Variants in PIP5K1C observed in about 807,000 individuals in gnomAD.
The protein encoded by PIP5K1C is phosphatidylinositol-4-phosphate 5-kinase type 1 gamma.
Under a neutral mutation model 80.1 loss-of-function variants are expected in PIP5K1C, and 45 were observed. The ratio of observed to expected loss-of-function variants is 0.56; its 90% CI spans 0.44 to 0.72. The LOEUF is 0.72. PIP5K1C is among the 30% of genes least tolerant of loss of function. The probability of loss-of-function intolerance (pLI) is 0.00; values close to 1 mark genes in which losing one functional copy is unlikely to be tolerated. For missense variants in PIP5K1C, 753 were observed against 954.6 expected, an observed-to-expected ratio of 0.79 and a Z score of 2.78; for synonymous variants, 498 against 420.1, an observed-to-expected ratio of 1.19 and a Z score of -2.27.
At position 3,692,008 on chromosome 19, in the gene PIP5K1C, C is replaced by T. The variant is rs1487291771; in HGVS notation, c.94+8289G>A. On this transcript the variant is annotated intron_variant, in intron 1 of 17. Coordinates refer to ENST00000335312, the MANE Select transcript of PIP5K1C (RefSeq NM_012398.3). The surrounding 1 kb of genome is among the most constrained non-coding windows in gnomAD (Gnocchi z 5.2). ...CCCAGCAGCCCCGCCCATGTCAGCG[C>T]ATGCACCGTGGCCAGTCCAAGCACC... Among the ~76,000 whole-genome samples, 1 of 152,204 alleles carries T rather than the reference C, an allele frequency of 6.6e-6. No individual in the cohort carries two copies. Among genetic ancestry groups the T allele is most frequent in the Non-Finnish European group, 1.5e-5 (1 of 68,024 alleles).
chr19:3,639,016 C>A lies in PIP5K1C; in HGVS notation c.1788G>T (p.Gly596=). The A allele has an allele frequency of 6.2e-7, 1 of 1,610,424 alleles. No individual in the cohort carries two copies. Among genetic ancestry groups the A allele is most frequent in the Non-Finnish European group, 8.5e-7 (1 of 1,179,914 alleles). Reference sequence around the variant, plus strand: ...AGGCACCGGCCGGGGAAGCCTCCACCCTGGGGACAGGAGTAGACAGAGGGT... The same window carrying A: ...AGGCACCGGCCGGGGAAGCCTCCACACTGGGGACAGGAGTAGACAGAGGGT... ...EIVVPKEEDA[G]VEASPAGASA... is the part of the protein sequence containing the mutation. Residue 596 remains glycine (G), a splice_region_variant and synonymous_variant, in exon 16 of 18, where the codon GGG becomes GGT. Coordinates refer to ENST00000335312, the MANE Select transcript of PIP5K1C (RefSeq NM_012398.3).
At chr19:3,697,442 G>GGAGGAGGACCGAGCTGGACC (rs1568367021) in intron 1 of PIP5K1C, among the ~76,000 whole-genome samples, 25 of 145,548 alleles carry the variant, frequency 1.7e-4, no homozygotes, top group African/African-American at 3.3e-4. Context: ...CGAGCTGTAC[G>GGAGGAGGACCGAGCTGGACC]GAGGAGGACC....
chr19:3,679,941 C>T (rs1568352041), intron 1 of PIP5K1C, among the ~76,000 whole-genome samples: 1 of 152,238 alleles, frequency 6.6e-6, no homozygotes, highest in Non-Finnish European at 1.5e-5. Flanking sequence ...GAGGCAGATG[C>T]TGTGGGAGAC....
intron 1 of PIP5K1C, among the ~76,000 whole-genome samples, chr19:3,682,915 C>A (rs1358631802): frequency 6.6e-6 from 1 of 151,540 alleles, no homozygotes; most frequent in Non-Finnish European, 1.5e-5. Flanking sequence ...GGACAGAGGC[C>A]CAGATGGAGA....
Position 3,688,804 on chromosome 19 carries a change from G to A in PIP5K1C, c.94+11493C>T, listed in dbSNP as rs2035854351. 1.3e-5 allele frequency among the ~76,000 whole-genome samples: 2 copies of A among 152,034 alleles called. No individual in the cohort carries two copies. Among genetic ancestry groups the A allele is most frequent in the South Asian group, 4.1e-4 (2 of 4,826 alleles). On this transcript the variant is annotated intron_variant, in intron 1 of 17. Coordinates refer to ENST00000335312, the MANE Select transcript of PIP5K1C (RefSeq NM_012398.3). This position sits in a 1 kb window ranked among gnomAD's most constrained non-coding sequence, Gnocchi z 5.3. The stretch of plus-strand genomic sequence containing the variant: ...ACACCGAGCTGGTGGGCCGGGGGAG[G>A]GGGACCCACACCCACGTCGCCATGG...
Position 3,643,284 on chromosome 19 carries a change from A to G in PIP5K1C, c.1608T>C (p.Pro536=), listed in dbSNP as rs759768552. The part of the protein sequence containing the change: ...TTLSSTSLSI[P]ERSPSETSEQ... Reference sequence around the variant, plus strand: ...CCGACGTCTCCGAGGGGGACCGCTCAGGAATGGAGAGGGATGTGGATGACA... The same window carrying G: ...CCGACGTCTCCGAGGGGGACCGCTCGGGAATGGAGAGGGATGTGGATGACA... Residue 536 remains proline (P), a synonymous_variant, in exon 13 of 18, where the codon CCT becomes CCC. Coordinates refer to ENST00000335312, the MANE Select transcript of PIP5K1C (RefSeq NM_012398.3). 6.2e-7 allele frequency: 1 copy of G among 1,613,908 alleles called. No homozygotes were observed. Among genetic ancestry groups the G allele is most frequent in the Admixed American group, 1.7e-5 (1 of 60,020 alleles).
At chr19:3,689,616 T>G (rs192165854) in intron 1 of PIP5K1C, among the ~76,000 whole-genome samples, 198 of 152,114 alleles carry the variant, frequency 1.3e-3, no homozygotes, top group Non-Finnish European at 2.6e-3. Context: ...GCCACTGCAC[T>G]CCAGCCTGGA....
At chr19:3,643,411 G>A (rs372407268) in intron 12 of PIP5K1C, 30 bp from the exon 13 acceptor site, 148 of 1,611,650 alleles carry the variant, frequency 9.2e-5, no homozygotes, top group Middle Eastern at 3.4e-4. Context: ...GGCACCTTGC[G>A]GAGCCTCCGA....
At chr19:3,694,814 C>A (rs996650197) in intron 1 of PIP5K1C, among the ~76,000 whole-genome samples, 2 of 152,236 alleles carry the variant, frequency 1.3e-5, no homozygotes, top group Non-Finnish European at 2.9e-5. Flanking sequence ...TCAGCTGCCG[C>A]AGGCCTGGCC....
chr19:3,698,210 A>G (rs2036185979), intron 1 of PIP5K1C, among the ~76,000 whole-genome samples: 1 of 152,222 alleles, frequency 6.6e-6, no homozygotes, highest in South Asian at 2.1e-4. Context: ...GAGAGGCCGG[A>G]AAGGGGTGGC....
chr19:3,648,558 G>A lies in PIP5K1C; in HGVS notation c.1211+67C>T, dbSNP rs547104044. 120 of 1,102,064 alleles carry A rather than the reference G, an allele frequency of 1.1e-4. No homozygotes were observed. Among genetic ancestry groups the A allele is most frequent in the Non-Finnish European group, 1.3e-4 (102 of 774,044 alleles). The allele number at this position is 1,102,064 out of a possible 1,614,324, so 68.3% of individuals were successfully genotyped here. A position where few individuals can be genotyped will look rare whatever the true frequency, so the allele number is the denominator to read the frequency against. The stretch of plus-strand genomic sequence containing the variant: ...CGCCCACCTGTGGGGCTGCAGACCC[G>A]GGCGCCCACCTGTGGGACTGCAGAC... On this transcript the variant is annotated intron_variant, in intron 9 of 17. Coordinates refer to ENST00000335312, the MANE Select transcript of PIP5K1C (RefSeq NM_012398.3). This position sits in a 1 kb window ranked among gnomAD's most constrained non-coding sequence, Gnocchi z 4.3.
At chr19:3,654,147 G>T (rs1426443853) in intron 6 of PIP5K1C, among the ~76,000 whole-genome samples, 3 of 152,180 alleles carry the variant, frequency 2.0e-5, no homozygotes, top group Non-Finnish European at 4.4e-5. Flanking sequence ...GACTCCAGGC[G>T]TGAGCCCAGC....
At chr19:3,645,329 A>T (rs1599945519) in intron 11 of PIP5K1C, among the ~76,000 whole-genome samples, 1 of 152,256 alleles carries the variant, frequency 6.6e-6, no homozygotes, top group East Asian at 1.9e-4. Context: ...CCCAGGGGGG[A>T]ATCCATCTGG....
chr19:3,677,942 TGGAG>T (rs1167991286), intron 1 of PIP5K1C, among the ~76,000 whole-genome samples: 1 of 48,274 alleles, frequency 2.1e-5, no homozygotes, highest in African/African-American at 9.0e-5. Context: ...AATGGAGGGA[TGGAG>T]GGAGGGATGG....
At chr19:3,670,209 C>T (rs2035161329) in intron 1 of PIP5K1C, among the ~76,000 whole-genome samples, 1 of 152,162 alleles carries the variant, frequency 6.6e-6, no homozygotes, top group Admixed American at 6.5e-5. Context: ...CCACGCCTGC[C>T]TGAGGGTGCG....
At chr19:3,687,941 A>G (rs377246764) in intron 1 of PIP5K1C, among the ~76,000 whole-genome samples, 13 of 152,182 alleles carry the variant, frequency 8.5e-5, no homozygotes, top group African/African-American at 2.9e-4. Context: ...CAGGGCCCCA[A>G]TGTCCAGGGA....
At chr19:3,689,844 C>A (rs1397215346) in intron 1 of PIP5K1C, among the ~76,000 whole-genome samples, 2 of 152,078 alleles carry the variant, frequency 1.3e-5, no homozygotes, top group African/African-American at 2.4e-5. Flanking sequence ...CGTACACTCC[C>A]CCCCCACACA....
chr19:3,680,529 T>A (rs531535253), intron 1 of PIP5K1C, among the ~76,000 whole-genome samples: 1 of 152,342 alleles, frequency 6.6e-6, no homozygotes, highest in South Asian at 2.1e-4. Flanking sequence ...GTCTCGCTCC[T>A]GACCTCAGGT....
chr19:3,656,763 C>T (rs766432566), intron 5 of PIP5K1C, among the ~76,000 whole-genome samples: 9 of 152,210 alleles, frequency 5.9e-5, no homozygotes, highest in Non-Finnish European at 2.9e-5. Flanking sequence ...CTCTGCAGCC[C>T]GAGGGCTGGT....
Sources: allele counts gnomAD v4.1 joint callset (sites outside exome capture counted in the v4.1 genomes callset), GRCh38; gene constraint gnomAD v4.1.1; non-coding constraint Gnocchi (gnomAD v3.1); transcripts MANE v1.5; gene names NCBI Gene and HGNC (gene_info 2026-07-23, HGNC 2026-07-21).